SCFD2: variants seen among roughly 807,000 people sequenced by gnomAD.
SCFD2 encodes sec1 family domain containing 2.
A neutral mutation model predicts 58.9 loss-of-function variants in SCFD2; 54 were observed. The ratio of observed to expected loss-of-function variants is 0.92; its 90% CI spans 0.74 to 1.15. SCFD2 has a LOEUF of 1.15. Among genes scored for constraint, SCFD2 ranks in the 50% most tolerant of loss-of-function variants. SCFD2 has a pLI of 0.00. For missense variants in SCFD2, 805 were observed against 836.6 expected (o/e 0.96, Z 0.47); for synonymous variants, 321 against 335.9 (o/e 0.96, Z 0.49).
At chr4:53,181,686 T>C (rs959459454) in intron 4 of SCFD2, among the ~76,000 whole-genome samples, 13 of 152,232 alleles carry the variant, frequency 8.5e-5, no homozygotes, top group African/African-American at 2.6e-4. Flanking sequence ...AAATAAAGGG[T>C]ATTCAATTAG....
intron 5 of SCFD2, among the ~76,000 whole-genome samples, chr4:53,049,403 C>T (rs753182843): frequency 3.0e-4 from 45 of 152,172 alleles, no homozygotes; most frequent in Non-Finnish European, 5.6e-4. Context: ...ATAGTGCATA[C>T]CATGTGCTAT....
chr4:53,288,419 G>T (rs1406584119), intron 3 of SCFD2, among the ~76,000 whole-genome samples: 1 of 151,900 alleles, frequency 6.6e-6, no homozygotes. Context: ...CCCCAAAAAG[G>T]TTCAATCTAA....
At chr4:53,065,253 T>A (rs980378490) in intron 5 of SCFD2, among the ~76,000 whole-genome samples, 1 of 152,068 alleles carries the variant, frequency 6.6e-6, no homozygotes, top group South Asian at 2.1e-4. Flanking sequence ...ATATGGCTTA[T>A]GAGTTAAGAA....
intron 5 of SCFD2, among the ~76,000 whole-genome samples, chr4:53,082,368 A>G (rs1318897510): frequency 2.0e-5 from 3 of 152,092 alleles, no homozygotes; most frequent in Non-Finnish European, 2.9e-5. Context: ...TGTCCTTTTT[A>G]GATGATGATG....
chr4:53,072,218 C>T (rs998264), intron 5 of SCFD2, among the ~76,000 whole-genome samples: 52,157 of 151,700 alleles, frequency 0.34, 10,187 homozygotes, highest in Non-Finnish European at 0.42. Context: ...AGAAAGGGTA[C>T]TGTTAGCAAT....
chr4:52,940,163 T>C (rs1253101560), intron 5 of SCFD2, among the ~76,000 whole-genome samples: 1 of 152,190 alleles, frequency 6.6e-6, no homozygotes, highest in Non-Finnish European at 1.5e-5. Context: ...TAAATGTTGA[T>C]TGGTTGCCTG....
chr4:53,228,082 A>C (rs1370174055), intron 4 of SCFD2, among the ~76,000 whole-genome samples: 1 of 152,142 alleles, frequency 6.6e-6, no homozygotes, highest in Non-Finnish European at 1.5e-5. Context: ...CTTCCTCTGT[A>C]AAACAGGAAC....
At chr4:53,027,337 G>A (rs1722501826) in intron 5 of SCFD2, among the ~76,000 whole-genome samples, 1 of 152,026 alleles carries the variant, frequency 6.6e-6, no homozygotes, top group African/African-American at 2.4e-5. Context: ...CAGTGATGTA[G>A]GTAAAGTGGG....
intron 6 of SCFD2, among the ~76,000 whole-genome samples, chr4:52,913,577 A>T (rs931486368): frequency 1.3e-5 from 2 of 152,204 alleles, no homozygotes; most frequent in East Asian, 1.9e-4. Context: ...TTATTTCATT[A>T]TATATCACAA....
At chr4:53,333,149 A>G (rs1733549342) in intron 2 of SCFD2, among the ~76,000 whole-genome samples, 1 of 129,070 alleles carries the variant, frequency 7.7e-6, no homozygotes, top group African/African-American at 3.0e-5. Context: ...GGAAGAATCA[A>G]TATCATGAAA....
At chr4:52,959,925 CTT>C (rs769482923) in intron 5 of SCFD2, among the ~76,000 whole-genome samples, 5,291 of 151,478 alleles carry the variant, frequency 0.035, 126 homozygotes, top group Admixed American at 0.059. Flanking sequence ...CACACACACA[CTT>C]GAATCACCTA....
At chr4:53,276,018 T>TTG (rs146091115) in intron 3 of SCFD2, among the ~76,000 whole-genome samples, 2,502 of 148,504 alleles carry the variant, frequency 0.017, 31 homozygotes, top group African/African-American at 0.037. Context: ...GTACAGGTCT[T>TTG]TGTGTGTGTG....
At chr4:52,972,328 C>A (rs537248621) in intron 5 of SCFD2, among the ~76,000 whole-genome samples, 2 of 151,944 alleles carry the variant, frequency 1.3e-5, no homozygotes, top group African/African-American at 4.8e-5. Flanking sequence ...GAAGATCTAC[C>A]AAGCAAATGG....
chr4:52,979,956 G>C (rs1721339393), intron 5 of SCFD2, among the ~76,000 whole-genome samples: 1 of 152,182 alleles, frequency 6.6e-6, no homozygotes, highest in South Asian at 2.1e-4. Context: ...CATCACCTCT[G>C]GATTACCTCT....
At chr4:53,225,798 T>C (rs1729193927) in intron 4 of SCFD2, among the ~76,000 whole-genome samples, 2 of 152,192 alleles carry the variant, frequency 1.3e-5, no homozygotes. Context: ...AACCCTCTAA[T>C]CTTAAGGTCC....
intron 4 of SCFD2, among the ~76,000 whole-genome samples, chr4:53,205,917 TAAAA>T (rs536162309): frequency 6.6e-6 from 1 of 151,444 alleles, no homozygotes; most frequent in African/African-American, 2.4e-5. Flanking sequence ...CTTAATAAAT[TAAAA>T]AAAACACAAT....
At chr4:52,880,778 C>T (rs927382300) in intron 8 of SCFD2, among the ~76,000 whole-genome samples, 2 of 152,222 alleles carry the variant, frequency 1.3e-5, no homozygotes, top group Non-Finnish European at 2.9e-5. Context: ...CTGAGCTGGC[C>T]GTTCCCTGTA....
chr4:52,890,102 C>A (rs562657284), intron 7 of SCFD2, among the ~76,000 whole-genome samples: 1 of 152,288 alleles, frequency 6.6e-6, no homozygotes, highest in East Asian at 1.9e-4. Flanking sequence ...AGTAAGTAAC[C>A]CAGACCTTCC....
chr4:53,021,792 C>T (rs1159487737), intron 5 of SCFD2, among the ~76,000 whole-genome samples: 1 of 152,128 alleles, frequency 6.6e-6, no homozygotes, highest in Admixed American at 6.6e-5. Flanking sequence ...GATACTTCAG[C>T]AAAATCTTGT....
Sources: allele counts gnomAD v4.1 joint callset (sites outside exome capture counted in the v4.1 genomes callset), GRCh38; gene constraint gnomAD v4.1.1; transcripts MANE v1.5; gene names NCBI Gene and HGNC (gene_info 2026-07-23, HGNC 2026-07-21).